The following PIK3R6 variants were observed in gnomAD, a reference collection of about 807,000 sequenced individuals.
PIK3R6 encodes phosphoinositide-3-kinase regulatory subunit 6.
A neutral mutation model predicts 84.9 loss-of-function variants in PIK3R6; 91 were observed. The observed-to-expected ratio is 1.07, with a 90% confidence interval of 0.90 to 1.28. PIK3R6 has a LOEUF of 1.28. Ranked by LOEUF, PIK3R6 falls within the 50% of genes most tolerant of loss-of-function variation. The pLI is 0.00. For synonymous variants in PIK3R6, 416 were observed against 411.4 expected, an observed-to-expected ratio of 1.01 and a Z score of -0.13; for missense variants, 996 against 985.1, an observed-to-expected ratio of 1.01 and a Z score of -0.15.
chr17:8,850,304 A>G (rs1438474856), intron 1 of PIK3R6, among the ~76,000 whole-genome samples: 1 of 151,106 alleles, frequency 6.6e-6, no homozygotes, highest in Non-Finnish European at 1.5e-5. Context: ...CTGGCTCAAA[A>G]AAAAAAAAAA....
intron 13 of PIK3R6, among the ~76,000 whole-genome samples, chr17:8,824,506 T>C (rs902134157): frequency 3.9e-5 from 6 of 152,240 alleles, no homozygotes; most frequent in Non-Finnish European, 7.3e-5. Flanking sequence ...TGAAATATTG[T>C]TCCCTTCGAA....
intron 17 of PIK3R6, among the ~76,000 whole-genome samples, chr17:8,819,697 C>CACACACACACACATATATATACATATAT (rs2087658931): frequency 7.2e-6 from 1 of 138,592 alleles, no homozygotes; most frequent in South Asian, 2.4e-4. Context: ...TATACACACA[C>CACACACACACACATATATATACATATAT]ACACACACAC....
chr17:8,810,430 C>T (rs1202543704), intron 18 of PIK3R6, among the ~76,000 whole-genome samples: 1 of 148,082 alleles, frequency 6.8e-6, no homozygotes, highest in African/African-American at 2.5e-5. Flanking sequence ...CCTCACATTT[C>T]AAAACCAATC....
In PIK3R6 at chr17:8,809,914, G is replaced by A. The variant is rs538905348; in HGVS notation, c.1996-5761C>T. Among the ~76,000 whole-genome samples, 14 of 152,038 alleles carry A rather than the reference G, an allele frequency of 9.2e-5. No individual in the cohort carries two copies. In the South Asian group the frequency reaches 2.3e-3, roughly 25 times the overall value. On this transcript the variant is annotated intron_variant, in intron 18 of 19. Transcript: ENST00000619866. ...TAAATCAACAGTAAAAAAAGACAAG[G>A]TCATCTATAATGATAAAGGGATCAA...
chr17:8,817,635 C>T lies in PIK3R6; in HGVS notation c.1995+1448G>A, dbSNP rs187349800. Among the ~76,000 whole-genome samples the T allele has an allele frequency of 4.6e-4, 69 of 151,096 alleles. No individual in the cohort carries two copies. The East Asian group carries it at 0.011, about 24-fold the overall frequency. On this transcript the variant is annotated intron_variant, in intron 18 of 19. Coordinates refer to ENST00000619866, the MANE Select transcript of PIK3R6 (RefSeq NM_001010855.4). ...CCAGCCTGGTGACAGAGTGAGACTCCGTCTCGAAAAAAAACAAAACAAAAC... is the reference window on the plus strand; with the variant it reads ...CCAGCCTGGTGACAGAGTGAGACTCTGTCTCGAAAAAAAACAAAACAAAAC...
chr17:8,807,706 C>T (rs2087244350), intron 18 of PIK3R6, among the ~76,000 whole-genome samples: 1 of 152,070 alleles, frequency 6.6e-6, no homozygotes, highest in Non-Finnish European at 1.5e-5. Flanking sequence ...GTGGGAAGAG[C>T]CTCCAGGGAG....
At chr17:8,824,579 G>A (rs2087857123) in intron 13 of PIK3R6, among the ~76,000 whole-genome samples, 1 of 152,114 alleles carries the variant, frequency 6.6e-6, no homozygotes, top group South Asian at 2.1e-4. Context: ...CATTGTTTCT[G>A]GTATCTTCAT....
chr17:8,803,192 CCTTGCTCTGGCT>C lies in PIK3R6; in HGVS notation c.*69_*80del. The C allele has an allele frequency of 6.4e-7, 1 of 1,565,998 alleles. No individual in the cohort carries two copies. The highest frequency in any genetic ancestry group is 8.7e-7 in the Non-Finnish European group (1 of 1,146,026). ...GCCAAAGCTGCCGTGTGGAGCCGGG[CCTTGCTCTGGCT>C]GTTGGTGTGAGTGTTTGGAGTTGGT... On this transcript the variant is annotated 3_prime_UTR_variant, in exon 20 of 20. Transcript: ENST00000619866. The surrounding 1 kb of genome is among the most constrained non-coding windows in gnomAD (Gnocchi z 5.0).
Position 8,839,691 on chromosome 17 carries a change from T to C in PIK3R6, c.20A>G (p.Glu7Gly). MESSDV[E>G]LDLQRSVQAV... is the part of the protein sequence containing the mutation. The stretch of plus-strand genomic sequence containing the variant: ...CTGCACGCTCCTCTGGAGGTCCAGC[T>C]CCACATCTGGGCAGTGGTAGGGGTG... The change falls in exon 3 of 20, where the codon GAG becomes GGG. Residue 7 changes from glutamate (E) to glycine (G), a missense_variant. By Grantham distance (98) the Glu-to-Gly change is moderately conservative. Transcript: ENST00000619866. This position sits in a 1 kb window ranked among gnomAD's most constrained non-coding sequence, Gnocchi z 4.2. 1.9e-6 allele frequency: 3 copies of C among 1,571,726 alleles called. No individual in the cohort carries two copies. Among genetic ancestry groups the C allele is most frequent in the Non-Finnish European group, 2.6e-6 (3 of 1,157,904 alleles).
At chr17:8,859,945 T>A (rs2089232523) in intron 1 of PIK3R6, among the ~76,000 whole-genome samples, 2 of 152,156 alleles carry the variant, frequency 1.3e-5, no homozygotes. Flanking sequence ...TCTCTCTCTA[T>A]CCTATTTGTT....
chr17:8,866,405 G>T (rs188031867), intron 1 of PIK3R6, among the ~76,000 whole-genome samples: 59 of 152,214 alleles, frequency 3.9e-4, no homozygotes, highest in African/African-American at 1.4e-3. Flanking sequence ...AGCCAGGCGT[G>T]GTGGTGTGTG....
chr17:8,821,705 G>C, intron 17 of PIK3R6, 141 bp downstream of exon 17: 1 of 890,830 alleles, frequency 1.1e-6, no homozygotes, highest in Non-Finnish European at 1.7e-6. Flanking sequence ...CAAGCAACTT[G>C]AAGGCAGTCA....
rs1391343580 is a variant in PIK3R6, at chr17:8,835,416, C to G, written c.502G>C (p.Val168Leu). 1.9e-6 allele frequency: 3 copies of G among 1,598,480 alleles called. No individual in the cohort carries two copies. The highest frequency in any genetic ancestry group is 2.6e-6 in the Non-Finnish European group (3 of 1,168,370). ...FVDPELVSASVCSALLLEIEA... is the reference protein window; with the variant it reads ...FVDPELVSASLCSALLLEIEA... Reference sequence around the variant, plus strand: ...ATCTCCAGTAGCAGAGCACTGCACACAGACGCAGACACCAGCTCAGGATCC... The same window carrying G: ...ATCTCCAGTAGCAGAGCACTGCACAGAGACGCAGACACCAGCTCAGGATCC... Residue 168 changes from valine to leucine, a missense_variant, in exon 8 of 20, where the codon GTG becomes CTG. Coordinates refer to ENST00000619866, the MANE Select transcript of PIK3R6 (RefSeq NM_001010855.4).
At chr17:8,829,473 C>T (rs1398612818) in intron 10 of PIK3R6, among the ~76,000 whole-genome samples, 8 of 148,776 alleles carry the variant, frequency 5.4e-5, no homozygotes, top group Non-Finnish European at 3.0e-5. Context: ...TACACTGACA[C>T]ACACTCATGC....
chr17:8,828,991 C>T lies in PIK3R6; in HGVS notation c.890-1G>A. 2 of 1,494,888 alleles carry T rather than the reference C, an allele frequency of 1.3e-6. No individual in the cohort carries two copies. Among genetic ancestry groups the T allele is most frequent in the Non-Finnish European group, 8.9e-7 (1 of 1,122,712 alleles). 92.6% of individuals were successfully genotyped at this position (1,494,888 alleles called of 1,614,324 possible). On this transcript the variant is annotated splice_acceptor_variant, in intron 10 of 19. Coordinates refer to ENST00000619866, the MANE Select transcript of PIK3R6 (RefSeq NM_001010855.4). LOFTEE classifies it high-confidence loss of function. ...CGGAGGAAGAGCACCAGTTCCTTCC[C>T]TGGGGTGGGGGAACAAGGGCGGTGA...
intron 1 of PIK3R6, among the ~76,000 whole-genome samples, chr17:8,855,228 C>CAA (rs1291749179): frequency 2.0e-5 from 3 of 148,298 alleles, no homozygotes; most frequent in African/African-American, 2.5e-5. Context: ...CAAAACAAAA[C>CAA]AACAATAAAA....
intron 18 of PIK3R6, among the ~76,000 whole-genome samples, chr17:8,811,340 A>T (rs2087352557): frequency 6.7e-6 from 1 of 148,490 alleles, no homozygotes; most frequent in Non-Finnish European, 1.5e-5. Context: ...CTGTGATGGG[A>T]GAGGCTGCTG....
At chr17:8,866,773 C>A (rs867557952) in intron 1 of PIK3R6, among the ~76,000 whole-genome samples, 2 of 152,234 alleles carry the variant, frequency 1.3e-5, no homozygotes, top group Middle Eastern at 6.8e-3. Context: ...CAGTCTCTTT[C>A]ATCCTGCACA....
At chr17:8,829,453 T>C (rs1329842938) in intron 10 of PIK3R6, among the ~76,000 whole-genome samples, 2 of 113,050 alleles carry the variant, frequency 1.8e-5, no homozygotes, top group Admixed American at 8.7e-5. Context: ...CTGACACGCA[T>C]CCACACACAT....
Sources: allele counts gnomAD v4.1 joint callset (sites outside exome capture counted in the v4.1 genomes callset), GRCh38; gene constraint gnomAD v4.1.1; non-coding constraint Gnocchi (gnomAD v3.1); transcripts MANE v1.5; gene names NCBI Gene and HGNC (gene_info 2026-07-23, HGNC 2026-07-21).